The following LYPLAL1 variants were observed in gnomAD, a reference collection of about 807,000 sequenced individuals.
LYPLAL1 encodes the protein lysophospholipase-like protein 1.
In LYPLAL1, 23 loss-of-function variants were observed where a neutral mutation model predicts 19.7. The observed-to-expected ratio is 1.17, with a 90% confidence interval of 0.84 to 1.65. The LOEUF (loss-of-function observed/expected upper bound fraction) is 1.65. LYPLAL1 is among the 40% of genes most tolerant of loss of function. The pLI, the probability that LYPLAL1 is intolerant of heterozygous loss-of-function variation, is 0.00. For missense variants in LYPLAL1, 355 were observed against 279.4 expected (o/e 1.27, Z -1.93); for synonymous variants, 119 against 96.3 (o/e 1.24, Z -1.38).
At chr1:219,426,033 C>T in the LYPLAL1 span, among the ~76,000 whole-genome samples, 8 of 152,174 alleles carry the variant, frequency 5.3e-5, no homozygotes, top group South Asian at 4.1e-4. Context: ...AAGATCCACA[C>T]GGTAGAGACT....
chr1:219,285,595 ATT>A, the LYPLAL1 span, among the ~76,000 whole-genome samples: 1 of 152,212 alleles, frequency 6.6e-6, no homozygotes, highest in African/African-American at 2.4e-5. Context: ...AAAACACTAT[ATT>A]AAGCGAAAAA....
the LYPLAL1 span, among the ~76,000 whole-genome samples, chr1:219,367,306 CGTT>C: frequency 1.3e-5 from 2 of 152,106 alleles, no homozygotes; most frequent in Non-Finnish European, 2.9e-5. Context: ...GTGATGTTGA[CGTT>C]GTTCTCAAAG....
chr1:219,433,919 G>A, the LYPLAL1 span, among the ~76,000 whole-genome samples: 1 of 152,158 alleles, frequency 6.6e-6, no homozygotes, highest in Admixed American at 6.5e-5. Context: ...CACCCACAAG[G>A]TCGACCTTAA....
intron 3 of LYPLAL1, among the ~76,000 whole-genome samples, chr1:219,210,122 A>C (rs1380494025): frequency 1.3e-5 from 2 of 152,130 alleles, no homozygotes; most frequent in Non-Finnish European, 2.9e-5. Flanking sequence ...CTCCTTATGG[A>C]GCTCACAGCT....
the LYPLAL1 span, among the ~76,000 whole-genome samples, chr1:219,405,735 C>A: frequency 6.6e-6 from 1 of 152,290 alleles, no homozygotes; most frequent in East Asian, 1.9e-4. Context: ...AATGACTGAG[C>A]AGAAAGCTCA....
chr1:219,335,333 C>A, the LYPLAL1 span, among the ~76,000 whole-genome samples: 1 of 151,766 alleles, frequency 6.6e-6, no homozygotes, highest in Non-Finnish European at 1.5e-5. Context: ...AAGTTAACTA[C>A]AAAAGTGAAA....
chr1:219,374,404 C>T, the LYPLAL1 span, among the ~76,000 whole-genome samples: 13,830 of 151,914 alleles, frequency 0.091, 650 homozygotes, highest in Middle Eastern at 0.11. Context: ...CCTATGGTGT[C>T]CTTGAACAGA....
At chr1:219,334,402 A>ATGACC in the LYPLAL1 span, among the ~76,000 whole-genome samples, 1 of 151,906 alleles carries the variant, frequency 6.6e-6, no homozygotes, top group South Asian at 2.1e-4. Flanking sequence ...GCCAATTTTT[A>ATGACC]TGACCCTGGG....
At chr1:219,394,025 A>C in the LYPLAL1 span, among the ~76,000 whole-genome samples, 13 of 151,918 alleles carry the variant, frequency 8.6e-5, no homozygotes, top group African/African-American at 3.1e-4. Flanking sequence ...GTATTAATTA[A>C]AATTGCTTAC....
chr1:219,246,054 A>G, the LYPLAL1 span, among the ~76,000 whole-genome samples: 1 of 152,192 alleles, frequency 6.6e-6, no homozygotes. Flanking sequence ...AAAGAATGTT[A>G]TGAGTGAACC....
the LYPLAL1 span, among the ~76,000 whole-genome samples, chr1:219,277,859 C>T: frequency 2.0e-5 from 3 of 151,986 alleles, no homozygotes; most frequent in African/African-American, 7.3e-5. Context: ...TGTCCAAAAA[C>T]AAATCTGGGG....
At chr1:219,217,378 T>TGG (rs1659328585), downstream of LYPLAL1, among the ~76,000 whole-genome samples, 1 of 26,406 alleles carries the variant, frequency 3.8e-5, no homozygotes, top group Non-Finnish European at 8.9e-5. Context: ...TTGCCAGGTT[T>TGG]GGTGTGTGTG....
the LYPLAL1 span, among the ~76,000 whole-genome samples, chr1:219,323,415 G>A: frequency 1.3e-5 from 2 of 152,176 alleles, no homozygotes; most frequent in Non-Finnish European, 2.9e-5. Flanking sequence ...AAAGAGGTTA[G>A]GGAGGAAGGG....
chr1:219,376,973 C>T, the LYPLAL1 span, among the ~76,000 whole-genome samples: 1 of 152,162 alleles, frequency 6.6e-6, no homozygotes, highest in Non-Finnish European at 1.5e-5. Flanking sequence ...AGCAATTCCA[C>T]TTCTGGGTAT....
At chr1:219,344,061 T>C in the LYPLAL1 span, among the ~76,000 whole-genome samples, 2 of 152,188 alleles carry the variant, frequency 1.3e-5, no homozygotes, top group Non-Finnish European at 2.9e-5. Flanking sequence ...CTAGGGCTTG[T>C]GGATCCTGAG....
At chr1:219,354,158 G>A in the LYPLAL1 span, among the ~76,000 whole-genome samples, 9 of 152,156 alleles carry the variant, frequency 5.9e-5, no homozygotes, top group African/African-American at 1.9e-4. Flanking sequence ...AAGCAAAGAA[G>A]TGGAAGGAAA....
chr1:219,293,344 T>G, the LYPLAL1 span, among the ~76,000 whole-genome samples: 32 of 152,300 alleles, frequency 2.1e-4, no homozygotes, highest in East Asian at 4.1e-3. Flanking sequence ...ATAGGTTGAT[T>G]ATGATATTAT....
the LYPLAL1 span, among the ~76,000 whole-genome samples, chr1:219,318,047 T>A: frequency 6.6e-6 from 1 of 152,166 alleles, no homozygotes; most frequent in Non-Finnish European, 1.5e-5. Context: ...TCTGTTGGAT[T>A]GTGCAAGCCT....
At chr1:219,204,044 C>T (rs1462545517) in intron 3 of LYPLAL1, among the ~76,000 whole-genome samples, 1 of 152,092 alleles carries the variant, frequency 6.6e-6, no homozygotes, top group African/African-American at 2.4e-5. Context: ...AGAGAGAGAA[C>T]TCAGCAAAAG....
Sources: allele counts gnomAD v4.1 joint callset (sites outside exome capture counted in the v4.1 genomes callset), GRCh38; gene constraint gnomAD v4.1.1; transcripts MANE v1.5; gene names NCBI Gene and HGNC (gene_info 2026-07-23, HGNC 2026-07-21).